Variants in TBX15 observed in about 807,000 individuals in gnomAD.
The protein encoded by TBX15 is T-box transcription factor 15.
Under a neutral mutation model 53.9 loss-of-function variants are expected in TBX15, and 18 were observed. The observed-to-expected ratio is 0.33, with a 90% confidence interval of 0.23 to 0.49. The LOEUF is 0.49. Ranked by LOEUF, TBX15 falls within the 20% of genes least tolerant of loss-of-function variation. TBX15 has a pLI of 0.98. For missense variants in TBX15, 692 were observed against 749.5 expected (o/e 0.92, Z 0.90); for synonymous variants, 295 against 278.0 (o/e 1.06, Z -0.61).
intron 7 of TBX15, among the ~76,000 whole-genome samples, chr1:118,889,326 G>A (rs1654055458): frequency 6.6e-6 from 1 of 152,148 alleles, no homozygotes; most frequent in East Asian, 1.9e-4. Flanking sequence ...AACAAGATTG[G>A]AATTTCCAGC....
chr1:118,901,763 C>A (rs1456759415), intron 6 of TBX15, among the ~76,000 whole-genome samples: 4 of 152,088 alleles, frequency 2.6e-5, no homozygotes, highest in African/African-American at 9.7e-5. Context: ...TCTGATATAA[C>A]TTTCACCCTC....
At chr1:118,944,410 TCACTTA>T (rs1656280778) in intron 1 of TBX15, among the ~76,000 whole-genome samples, 1 of 152,336 alleles carries the variant, frequency 6.6e-6, no homozygotes, top group East Asian at 1.9e-4. Context: ...CCTCACCATG[TCACTTA>T]ATTCCACTCA....
intron 2 of TBX15, among the ~76,000 whole-genome samples, chr1:118,927,740 C>G (rs1373940050): frequency 6.6e-6 from 1 of 152,132 alleles, no homozygotes; most frequent in Non-Finnish European, 1.5e-5. Context: ...CAGAGCAGCC[C>G]AAAAGAGGTA....
chr1:118,934,893 C>T (rs1016642663), intron 1 of TBX15, among the ~76,000 whole-genome samples: 2 of 152,162 alleles, frequency 1.3e-5, no homozygotes, highest in African/African-American at 2.4e-5. Flanking sequence ...TAGATTTTCA[C>T]TCTCTCACAA....
intron 1 of TBX15, among the ~76,000 whole-genome samples, chr1:118,943,386 G>A (rs1178882540): frequency 6.6e-6 from 1 of 152,162 alleles, no homozygotes; most frequent in East Asian, 1.9e-4. Context: ...TGGTGGAAAG[G>A]CAGAAAGAGG....
chr1:118,893,319 A>AAAG (rs1557872407), intron 7 of TBX15, among the ~76,000 whole-genome samples: 37 of 130,144 alleles, frequency 2.8e-4, no homozygotes, highest in African/African-American at 7.4e-4. Flanking sequence ...GGAAGGAAAG[A>AAAG]AAGAAAGAAG....
intron 5 of TBX15, among the ~76,000 whole-genome samples, chr1:118,922,963 GGA>G (rs1655471275): frequency 6.6e-6 from 1 of 151,868 alleles, no homozygotes; most frequent in African/African-American, 2.4e-5. Flanking sequence ...AGTATTCTTA[GGA>G]AAGTCTATAA....
intron 6 of TBX15, among the ~76,000 whole-genome samples, chr1:118,902,737 C>T (rs759381662): frequency 3.6e-4 from 55 of 152,200 alleles, no homozygotes; most frequent in African/African-American, 1.2e-3. Flanking sequence ...TCTGAGTTCC[C>T]TTGCAGGGGT....
chr1:118,934,971 A>G (rs6656528), intron 1 of TBX15, among the ~76,000 whole-genome samples: 1 of 152,078 alleles, frequency 6.6e-6, no homozygotes, highest in Non-Finnish European at 1.5e-5. Context: ...ACATGAATGC[A>G]TATGCAATCT....
rs1263072001 is a variant in TBX15, at chr1:118,913,632, A to G, written c.926+483T>C. Among the ~76,000 whole-genome samples, 3 of 152,194 alleles carry G rather than the reference A, an allele frequency of 2.0e-5. No individual in the cohort carries two copies. The East Asian group carries it at 5.8e-4, about 29-fold the overall frequency. ...TGTAAACTCTCTTTTCTAAAGCAGG[A>G]AGCATCTGATATATTTTGGAACTAT... is the stretch of plus-strand genomic sequence containing the variant. On this transcript the variant is annotated intron_variant, in intron 6 of 7. Transcript: ENST00000369429.
chr1:118,935,520 A>C (rs2101622499), intron 1 of TBX15, among the ~76,000 whole-genome samples: 1 of 152,316 alleles, frequency 6.6e-6, no homozygotes, highest in East Asian at 1.9e-4. Context: ...TCAGGAACAT[A>C]AAATGTTACA....
intron 1 of TBX15, among the ~76,000 whole-genome samples, chr1:118,952,370 A>G (rs1656543077): frequency 6.6e-6 from 1 of 152,150 alleles, no homozygotes; most frequent in Non-Finnish European, 1.5e-5. Flanking sequence ...TCAGCACCAC[A>G]ACCCTCACAT....
At chr1:118,908,423 C>T (rs967372670) in intron 6 of TBX15, among the ~76,000 whole-genome samples, 3 of 151,726 alleles carry the variant, frequency 2.0e-5, no homozygotes, top group African/African-American at 7.3e-5. Flanking sequence ...CTATTTCTCC[C>T]TGAAAACAGG....
chr1:118,888,897 G>A lies in TBX15; in HGVS notation c.1025-3381C>T, dbSNP rs550142320. Among the ~76,000 whole-genome samples the A allele has an allele frequency of 3.3e-5, 5 of 150,988 alleles. No individual in the cohort carries two copies. The South Asian group carries it at 1.0e-3, about 31-fold the overall frequency. On this transcript the variant is annotated intron_variant, in intron 7 of 7. Coordinates refer to ENST00000369429, the MANE Select transcript of TBX15 (RefSeq NM_001330677.2). The stretch of plus-strand genomic sequence containing the variant: ...ATGGTACTGATTTAAGGCCTCAACT[G>A]GTTTCACTACAAAAAGAAAAAAAAA...
intron 4 of TBX15, among the ~76,000 whole-genome samples, chr1:118,923,966 C>T (rs1002571762): frequency 1.3e-5 from 2 of 152,186 alleles, no homozygotes; most frequent in East Asian, 3.9e-4. Flanking sequence ...TTCATGCTGT[C>T]TTTAAATTCT....
rs922191657 is a variant in TBX15 at position 118,890,965 on chromosome 1, G to A, written c.1025-5449C>T. On this transcript the variant is annotated intron_variant, in intron 7 of 7. Transcript: ENST00000369429. Reference sequence around the variant, plus strand: ...GTATCCTTGAGAAGTCTTCTTTGAGGCTTTCAAACAGGTAAAAGGTAAAAT... The same window carrying A: ...GTATCCTTGAGAAGTCTTCTTTGAGACTTTCAAACAGGTAAAAGGTAAAAT... 9 of 1,302,814 alleles carry A rather than the reference G, an allele frequency of 6.9e-6. No individual in the cohort carries two copies. The Admixed American group carries it at 1.6e-4, about 23-fold the overall frequency. 80.7% of individuals were successfully genotyped at this position (1,302,814 alleles called of 1,614,324 possible). A position where few individuals can be genotyped will look rare whatever the true frequency, so the allele number is the denominator to read the frequency against.
intron 1 of TBX15, among the ~76,000 whole-genome samples, chr1:118,933,768 C>A (rs768532121): frequency 2.6e-5 from 4 of 152,078 alleles, no homozygotes; most frequent in Non-Finnish European, 4.4e-5. Flanking sequence ...CCTCACTTAT[C>A]ATGAATACTG....
At chr1:118,893,583 A>G (rs145865573) in intron 7 of TBX15, among the ~76,000 whole-genome samples, 1,976 of 128,408 alleles carry the variant, frequency 0.015, 93 homozygotes, top group African/African-American at 0.071. Context: ...GGAAAGAAAG[A>G]AAGGAAGGAA....
chr1:118,919,952 G>C (rs938453772), intron 5 of TBX15, among the ~76,000 whole-genome samples: 2 of 152,130 alleles, frequency 1.3e-5, no homozygotes, highest in African/African-American at 2.4e-5. Context: ...ATTCATAAAA[G>C]TACCCATATT....
Sources: allele counts gnomAD v4.1 joint callset (sites outside exome capture counted in the v4.1 genomes callset), GRCh38; gene constraint gnomAD v4.1.1; transcripts MANE v1.5; gene names NCBI Gene and HGNC (gene_info 2026-07-23, HGNC 2026-07-21).